Variants in FAM91A1 observed in about 807,000 individuals in gnomAD.
FAM91A1 encodes protein FAM91A1.
FAM91A1 carries 41 observed loss-of-function variants against 113.5 expected under a neutral mutation model. The observed-to-expected ratio is 0.36, with a 90% CI of 0.28 to 0.47. FAM91A1 has a LOEUF of 0.47. Among genes scored for constraint, FAM91A1 ranks in the 20% least tolerant of loss-of-function variants. The pLI, the probability that FAM91A1 is intolerant of heterozygous loss-of-function variation, is 1.00. For synonymous variants in FAM91A1, 307 were observed against 347.9 expected (o/e 0.88, Z 1.31); for missense variants, 696 against 1,001.2 (o/e 0.70, Z 4.11).
At chr8:123,779,423 G>A (rs896772373) in intron 6 of FAM91A1, among the ~76,000 whole-genome samples, 4 of 152,178 alleles carry the variant, frequency 2.6e-5, no homozygotes, top group East Asian at 1.9e-4. Context: ...AGAGGAAAGG[G>A]GTGGAGTAAT....
intron 14 of FAM91A1, 51 bp downstream of exon 14, chr8:123,787,801 T>C: frequency 7.0e-7 from 1 of 1,428,938 alleles, no homozygotes; most frequent in Non-Finnish European, 9.7e-7. Flanking sequence ...GAATCTGTCC[T>C]TGCTTGACAG....
At chr8:123,785,209 G>A (rs1164598984) in intron 10 of FAM91A1, 90 bp downstream of exon 10, 5 of 1,069,518 alleles carry the variant, frequency 4.7e-6, no homozygotes, top group Admixed American at 2.5e-5. Flanking sequence ...ACTGAGAAAC[G>A]AAGACATTGA....
rs374624440 is a variant in FAM91A1, at chr8:123,810,267, C to CTTT, written c.2262-6_2262-4dup. The CTTT allele has an allele frequency of 2.0e-5, 24 of 1,188,540 alleles. No individual in the cohort carries two copies. In the African/African-American group the frequency reaches 2.6e-4, roughly 13 times the overall value. 73.6% of individuals were successfully genotyped at this position (1,188,540 alleles called of 1,614,324 possible). On this transcript the variant is annotated splice_polypyrimidine_tract_variant and intron_variant, in intron 22 of 23. Transcript: ENST00000334705. Reference sequence around the variant, plus strand: ...ATGTTTGTTTTAAACTGTTTCTCGCCTTTTTTTTTTTCAGCCTTCAAAACC... The same window carrying CTTT: ...ATGTTTGTTTTAAACTGTTTCTCGCCTTTTTTTTTTTTTTCAGCCTTCAAAACC...
intron 6 of FAM91A1, 68 bp from the exon 7 acceptor site, chr8:123,779,917 A>G: frequency 2.3e-6 from 3 of 1,305,506 alleles, no homozygotes; most frequent in Non-Finnish European, 3.3e-6. Context: ...AACATAAATA[A>G]ATTTCAGGAG....
In FAM91A1 at chr8:123,781,141, A is replaced by G. The variant is rs190608605; in HGVS notation, c.703+599A>G. Among the ~76,000 whole-genome samples the G allele has an allele frequency of 2.8e-4, 42 of 152,046 alleles. No individual in the cohort carries two copies. In the East Asian group the frequency reaches 7.5e-3, roughly 27 times the overall value. ...AATACAGAGTGATGCTTTTTTTTCT[A>G]TAGGTTAGATTTCTTACCAATTTAT... On this transcript the variant is annotated intron_variant, in intron 8 of 23. Coordinates refer to ENST00000334705, the MANE Select transcript of FAM91A1 (RefSeq NM_144963.4).
chr8:123,776,019 C>T (rs2130049509), intron 3 of FAM91A1, among the ~76,000 whole-genome samples: 1 of 152,170 alleles, frequency 6.6e-6, no homozygotes, highest in African/African-American at 2.4e-5. Flanking sequence ...CACTAACTGT[C>T]TAAAGAATGA....
At chr8:123,770,144 G>T (rs1814805491) in intron 1 of FAM91A1, among the ~76,000 whole-genome samples, 1 of 152,056 alleles carries the variant, frequency 6.6e-6, no homozygotes, top group East Asian at 1.9e-4. Flanking sequence ...GTAGAGACGG[G>T]GTTTCATCAT....
At position 123,812,672 on chromosome 8, in the gene FAM91A1, T is replaced by C. The variant is rs1321579542; in HGVS notation, c.2485T>C (p.Ser829Pro). The C allele has an allele frequency of 6.3e-7, 1 of 1,595,530 alleles. No homozygotes were observed. The change falls in exon 24 of 24, where the codon TCA (serine) becomes CCA (proline). Residue 829 changes from serine to proline, a missense_variant. Physicochemically the swap from Ser to Pro is moderately conservative, Grantham distance 74 (BLOSUM62 -1). Coordinates refer to ENST00000334705, the MANE Select transcript of FAM91A1 (RefSeq NM_144963.4). Reference protein sequence around the residue: ...LSEWSGRSPSSLLIANLHLQ With the variant: ...LSEWSGRSPSPLLIANLHLQ ...AGAATGGAGTGGACGGTCACCTTCC[T>C]CACTTCTTATTGCTAATCTCCATTT...
chr8:123,786,259 ATTTT>A, intron 11 of FAM91A1: 1 of 454,520 alleles, frequency 2.2e-6, no homozygotes, highest in East Asian at 3.4e-5. Context: ...GCAAATAAAT[ATTTT>A]ACATAAAATC....
In FAM91A1 at chr8:123,778,654, T is replaced by C; in HGVS notation, c.436-5T>C. 5 of 1,606,856 alleles carry C rather than the reference T, an allele frequency of 3.1e-6. No homozygotes were observed. Among genetic ancestry groups the C allele is most frequent in the Non-Finnish European group, 4.3e-6 (5 of 1,175,714 alleles). ...GCAAATTCTCAAATGTTTGTACCAT[T>C]GCAGAAATTCTTCAGAAGGAAAACA... On this transcript the variant is annotated splice_polypyrimidine_tract_variant and splice_region_variant and intron_variant, in intron 5 of 23. Transcript: ENST00000334705.
intron 8 of FAM91A1, among the ~76,000 whole-genome samples, chr8:123,784,053 A>T (rs1056669610): frequency 2.5e-4 from 38 of 151,860 alleles, no homozygotes; most frequent in African/African-American, 9.2e-4. Flanking sequence ...TAGCGTAGCA[A>T]CTCTTTCTTG....
At chr8:123,810,582 A>G (rs1364724959) in intron 23 of FAM91A1, 1 of 588,992 alleles carries the variant, frequency 1.7e-6, no homozygotes, top group African/African-American at 1.9e-5. Flanking sequence ...GCTTTATTCA[A>G]CAGAAATGTG....
At chr8:123,810,522 C>A in intron 23 of FAM91A1, 171 bp downstream of exon 23, 1 of 719,810 alleles carries the variant, frequency 1.4e-6, no homozygotes. Flanking sequence ...GCACATTTCA[C>A]TCGCCAGGTC....
intron 8 of FAM91A1, among the ~76,000 whole-genome samples, chr8:123,781,711 C>G (rs567203744): frequency 1.3e-5 from 2 of 152,270 alleles, no homozygotes; most frequent in East Asian, 3.9e-4. Flanking sequence ...TCTTGAACTC[C>G]TGACCTCAAG....
In FAM91A1 at chr8:123,786,514, A is replaced by G; in HGVS notation, c.982A>G (p.Lys328Glu). ...NRLKSTLDPQ[K>E]MLLSWDGGES... ...TAATAGGAGTACCTTAGATCCACAGAAGATGCTCTTGTCATGGGATGGAGG... is the reference window on the plus strand; with the variant it reads ...TAATAGGAGTACCTTAGATCCACAGGAGATGCTCTTGTCATGGGATGGAGG... Residue 328 changes from lysine to glutamate, a missense_variant, in exon 12 of 24, where the codon AAG (lysine) becomes GAG (glutamate). Transcript: ENST00000334705. 6.2e-7 allele frequency: 1 copy of G among 1,613,692 alleles called. No homozygotes were observed.
intron 1 of FAM91A1, among the ~76,000 whole-genome samples, chr8:123,773,639 C>T (rs565005468): frequency 6.6e-6 from 1 of 152,246 alleles, no homozygotes; most frequent in Non-Finnish European, 1.5e-5. Context: ...AATTATAACC[C>T]TCAGCTACAA....
At chr8:123,784,427 TAAA>T (rs776267510) in intron 8 of FAM91A1, 40 bp from the exon 9 acceptor site, 19 of 1,424,758 alleles carry the variant, frequency 1.3e-5, no homozygotes, top group Non-Finnish European at 1.7e-5. Flanking sequence ...TCTTGTTTTA[TAAA>T]ATCTGTACCA....
intron 18 of FAM91A1, among the ~76,000 whole-genome samples, chr8:123,801,998 T>A (rs968122829): frequency 6.6e-6 from 1 of 152,034 alleles, no homozygotes; most frequent in African/African-American, 2.4e-5. Context: ...CAGAGACAAG[T>A]CTGGAGAAGT....
At chr8:123,772,277 A>C (rs1814866107) in intron 1 of FAM91A1, among the ~76,000 whole-genome samples, 1 of 152,238 alleles carries the variant, frequency 6.6e-6, no homozygotes. Flanking sequence ...GAAACAGAAG[A>C]GCAAAACCTC....
Sources: allele counts gnomAD v4.1 joint callset (sites outside exome capture counted in the v4.1 genomes callset), GRCh38; gene constraint gnomAD v4.1.1; transcripts MANE v1.5; gene names NCBI Gene and HGNC (gene_info 2026-07-23, HGNC 2026-07-21).